CPM: variants seen among roughly 807,000 people sequenced by gnomAD.
CPM encodes carboxypeptidase M.
Under a neutral mutation model 46.4 loss-of-function variants are expected in CPM, and 35 were observed. The observed-to-expected ratio is 0.75, with a 90% CI of 0.58 to 1.00. The LOEUF (loss-of-function observed/expected upper bound fraction) is 1.00. Among genes scored for constraint, CPM ranks in the 50% least tolerant of loss-of-function variants. The pLI, the probability that CPM is intolerant of heterozygous loss-of-function variation, is 0.00. For synonymous variants in CPM, 195 were observed against 195.3 expected, an observed-to-expected ratio of 1.00 and a Z score of 0.01; for missense variants, 422 against 530.4, an observed-to-expected ratio of 0.80 and a Z score of 2.01.
intron 5 of CPM, among the ~76,000 whole-genome samples, chr12:68,869,992 A>G (rs1204775624): frequency 2.0e-5 from 3 of 152,176 alleles, no homozygotes; most frequent in Non-Finnish European, 4.4e-5. Flanking sequence ...AAATTTCACT[A>G]ATTCACTGAT....
chr12:68,922,290 G>A (rs987481957), intron 2 of CPM, among the ~76,000 whole-genome samples: 4 of 152,238 alleles, frequency 2.6e-5, no homozygotes, highest in African/African-American at 9.7e-5. Flanking sequence ...TGTGTATTAT[G>A]TGGGAAAGGA....
At chr12:68,911,682 C>T (rs1887600363) in intron 2 of CPM, among the ~76,000 whole-genome samples, 1 of 152,216 alleles carries the variant, frequency 6.6e-6, no homozygotes. Flanking sequence ...CATATATTTC[C>T]ATAGCACTTA....
At chr12:68,900,358 T>C (rs1887063012) in intron 2 of CPM, among the ~76,000 whole-genome samples, 1 of 152,150 alleles carries the variant, frequency 6.6e-6, no homozygotes, top group African/African-American at 2.4e-5. Flanking sequence ...CCTATTAGAA[T>C]GGCAAAAATT....
chr12:68,933,517 T>C (rs1047390922), upstream of CPM, among the ~76,000 whole-genome samples: 2 of 152,146 alleles, frequency 1.3e-5, no homozygotes, highest in South Asian at 2.1e-4. Flanking sequence ...GGACACTCTC[T>C]GTCGCAGACT....
intron 4 of CPM, 54 bp downstream of exon 4, chr12:68,871,719 AGGTGCCTGTCG>A: frequency 6.4e-7 from 1 of 1,558,166 alleles, no homozygotes. Context: ...CAAGGCCAAC[AGGTGCCTGTCG>A]GGAGCCTTTG....
rs955014177 is a variant in CPM at position 68,851,300 on chromosome 12, CTTAG to C, written c.*5133_*5136del. ...GACAATTTGTGCATTTTAATAAATTCTTAGTTATAGTATTAAAGAAAGTGGCTGG... is the reference window on the plus strand; with the variant it reads ...GACAATTTGTGCATTTTAATAAATTCTTATAGTATTAAAGAAAGTGGCTGG... On this transcript the variant is annotated 3_prime_UTR_variant, in exon 9 of 9. Transcript: ENST00000551568. 2.0e-5 allele frequency: 3 copies of C among 152,352 alleles called. No individual in the cohort carries two copies. In the Admixed American group the frequency reaches 2.0e-4, roughly 10 times the overall value. 9.4% of individuals were successfully genotyped at this position (152,352 alleles called of 1,614,324 possible).
chr12:68,898,212 G>A (rs1886966117), intron 2 of CPM, among the ~76,000 whole-genome samples: 1 of 151,774 alleles, frequency 6.6e-6, no homozygotes, highest in Non-Finnish European at 1.5e-5. Context: ...TTTAAGAAGA[G>A]GTTAATTCAG....
chr12:68,924,205 A>G (rs1164184936), intron 2 of CPM, among the ~76,000 whole-genome samples: 1 of 151,626 alleles, frequency 6.6e-6, no homozygotes, highest in African/African-American at 2.4e-5. Flanking sequence ...GCATGACAAG[A>G]TAAGTGATAG....
intron 3 of CPM, among the ~76,000 whole-genome samples, chr12:68,883,147 C>G (rs1387634106): frequency 6.6e-6 from 1 of 152,182 alleles, no homozygotes; most frequent in Admixed American, 6.5e-5. Flanking sequence ...CCATAAACTC[C>G]TAGGTAATCC....
chr12:68,881,260 A>G (rs1169380398), intron 3 of CPM, among the ~76,000 whole-genome samples: 3 of 152,252 alleles, frequency 2.0e-5, no homozygotes, highest in Non-Finnish European at 4.4e-5. Flanking sequence ...GACTAGAGGT[A>G]CAACTGCAGT....
intron 7 of CPM, among the ~76,000 whole-genome samples, chr12:68,861,281 G>C (rs928280916): frequency 6.6e-6 from 1 of 152,072 alleles, no homozygotes; most frequent in Non-Finnish European, 1.5e-5. Flanking sequence ...ATTCAACTTT[G>C]TTCCACAAAG....
At chr12:68,845,959 TGCCACCC>T (rs1422076535) in intron 5 of CPM, 1 of 101,684 alleles carries the variant, frequency 9.8e-6, no homozygotes, top group East Asian at 2.9e-4. Flanking sequence ...CCGACCCCGC[TGCCACCC>T]GCCCTGAGAC....
intron 1 of CPM, among the ~76,000 whole-genome samples, chr12:68,940,598 T>C (rs1482361284): frequency 6.6e-6 from 1 of 151,118 alleles, no homozygotes; most frequent in African/African-American, 2.4e-5. Context: ...GAAGTGTATA[T>C]GCCCAGAGCA....
intron 2 of CPM, among the ~76,000 whole-genome samples, chr12:68,920,773 C>T (rs534110944): frequency 1.3e-5 from 2 of 151,172 alleles, no homozygotes; most frequent in African/African-American, 4.9e-5. Flanking sequence ...TCACTGTAAC[C>T]TCCACCTCCT....
chr12:68,866,815 G>C (rs1019955555), intron 7 of CPM, 81 bp downstream of exon 7: 20 of 1,174,960 alleles, frequency 1.7e-5, no homozygotes, highest in Non-Finnish European at 2.3e-5. Context: ...ATAAATAAAG[G>C]CTTGCGTTTA....
chr12:68,870,621 G>A (rs1201172131), intron 4 of CPM, among the ~76,000 whole-genome samples: 2 of 152,214 alleles, frequency 1.3e-5, no homozygotes, highest in Non-Finnish European at 2.9e-5. Flanking sequence ...ACTAGCTATT[G>A]TGATGCAGGC....
chr12:68,937,052 T>A (rs541215905), upstream of CPM, among the ~76,000 whole-genome samples: 1 of 152,328 alleles, frequency 6.6e-6, no homozygotes, highest in Non-Finnish European at 1.5e-5. Flanking sequence ...TACCTGGAAG[T>A]AGACAGGATC....
rs75683934 is a variant in CPM, at chr12:68,894,245, G to T, written c.161-8356C>A. Among the ~76,000 whole-genome samples the T allele has an allele frequency of 3.0e-3, 454 of 152,294 alleles. 2 individuals carry two copies. Among genetic ancestry groups the T allele is most frequent in the African/African-American group, 0.01 (417 of 41,562 alleles). ...AATGTAACCCACAAGGGCACTGCCT[G>T]GTGTGTTCACCATTTTGTTTAGGTT... On this transcript the variant is annotated intron_variant, in intron 2 of 8. Coordinates refer to ENST00000551568, the MANE Select transcript of CPM (RefSeq NM_198320.5).
chr12:68,944,721 T>TTG lies in CPM; in HGVS notation c.-3-11882_-3-11881insCA, dbSNP rs994200759. ...GGCTCCTTCACCTTGTTTTTTGTTT[T>TTG]TTTTTTTTAAATTACAATAAAGAAG... On this transcript the variant is annotated intron_variant, in intron 1 of 8. Coordinates refer to the CPM transcript ENST00000546373. 3.7e-3 allele frequency among the ~76,000 whole-genome samples: 569 copies of TTG among 151,782 alleles called. 2 individuals carry two copies. Among genetic ancestry groups the TTG allele is most frequent in the African/African-American group, 0.013 (549 of 41,352 alleles).
Sources: allele counts gnomAD v4.1 joint callset (sites outside exome capture counted in the v4.1 genomes callset), GRCh38; gene constraint gnomAD v4.1.1; transcripts MANE v1.5; gene names NCBI Gene and HGNC (gene_info 2026-07-23, HGNC 2026-07-21).